Variants in NDRG3 observed in about 807,000 individuals in gnomAD.
NDRG3 encodes protein NDRG3.
A neutral mutation model predicts 57.2 loss-of-function variants in NDRG3; 23 were observed. That is an observed-to-expected ratio of 0.40 (90% CI 0.29 to 0.57). NDRG3 has a LOEUF of 0.57. Ranked by LOEUF, NDRG3 falls within the 20% of genes least tolerant of loss-of-function variation. The pLI, the probability that NDRG3 is intolerant of heterozygous loss-of-function variation, is 0.42. For missense variants in NDRG3, 384 were observed against 457.3 expected, an observed-to-expected ratio of 0.84 and a Z score of 1.46; for synonymous variants, 132 against 162.6, an observed-to-expected ratio of 0.81 and a Z score of 1.43.
At chr20:36,719,616 G>A (rs1984474019) in intron 2 of NDRG3, among the ~76,000 whole-genome samples, 1 of 151,896 alleles carries the variant, frequency 6.6e-6, no homozygotes, top group African/African-American at 2.4e-5. Context: ...GCCTTGCCTT[G>A]GGCAGATAAA....
chr20:36,720,722 A>G (rs1984539839), intron 2 of NDRG3, among the ~76,000 whole-genome samples: 3 of 151,990 alleles, frequency 2.0e-5, no homozygotes, highest in Admixed American at 2.0e-4. Flanking sequence ...CTGAAAGTCA[A>G]GACACTTGGA....
intron 1 of NDRG3, among the ~76,000 whole-genome samples, chr20:36,745,652 C>T (rs1986152163): frequency 3.3e-5 from 5 of 152,224 alleles, no homozygotes; most frequent in Admixed American, 3.3e-4. Flanking sequence ...AGCATCTGGG[C>T]TCTTGGAGCG....
At chr20:36,689,676 T>C (rs1280681284) in intron 3 of NDRG3, among the ~76,000 whole-genome samples, 1 of 151,614 alleles carries the variant, frequency 6.6e-6, no homozygotes, top group Admixed American at 6.6e-5. Flanking sequence ...GGGAGGCATC[T>C]GGCCCAGGCT....
intron 15 of NDRG3, among the ~76,000 whole-genome samples, 161 bp downstream of exon 15, chr20:36,656,199 C>T (rs57605976): frequency 0.039 from 5,847 of 149,044 alleles, 381 homozygotes; most frequent in African/African-American, 0.14. Context: ...TGTTAGCTTA[C>T]AAATACGGAC....
chr20:36,723,004 C>T (rs1329491587), intron 1 of NDRG3, among the ~76,000 whole-genome samples: 3 of 152,186 alleles, frequency 2.0e-5, no homozygotes, highest in South Asian at 2.1e-4. Context: ...AACTTGCCAG[C>T]ACCAACCTGC....
chr20:36,708,613 G>A (rs932299973), intron 2 of NDRG3, among the ~76,000 whole-genome samples: 3 of 143,312 alleles, frequency 2.1e-5, no homozygotes, highest in African/African-American at 7.8e-5. Context: ...GAGCCATTGC[G>A]TGTCAGCCTG....
chr20:36,666,789 T>A (rs1979670702), intron 9 of NDRG3, among the ~76,000 whole-genome samples: 1 of 152,158 alleles, frequency 6.6e-6, no homozygotes, highest in South Asian at 2.1e-4. Flanking sequence ...GTAAGAAAAG[T>A]TATATAAACA....
intron 2 of NDRG3, among the ~76,000 whole-genome samples, chr20:36,709,948 G>A (rs1983768997): frequency 6.6e-6 from 1 of 152,096 alleles, no homozygotes; most frequent in Non-Finnish European, 1.5e-5. Flanking sequence ...GATATGTATG[G>A]TTAGTAAGAG....
chr20:36,740,378 G>A (rs1985868432), intron 1 of NDRG3, among the ~76,000 whole-genome samples: 1 of 152,130 alleles, frequency 6.6e-6, no homozygotes, highest in East Asian at 1.9e-4. Flanking sequence ...ACGGAGTCTC[G>A]CTCTATCACC....
chr20:36,687,299 C>G (rs974905138), intron 5 of NDRG3, among the ~76,000 whole-genome samples, 193 bp downstream of exon 5: 1 of 152,156 alleles, frequency 6.6e-6, no homozygotes, highest in Admixed American at 6.5e-5. Flanking sequence ...GGAAAACACA[C>G]AGTTTCCCCC....
intron 1 of NDRG3, among the ~76,000 whole-genome samples, chr20:36,744,640 T>C (rs1986095060): frequency 6.6e-6 from 1 of 152,128 alleles, no homozygotes; most frequent in Non-Finnish European, 1.5e-5. Flanking sequence ...AAAACGACAG[T>C]TTGAGCTAGT....
At chr20:36,654,426 GC>G (rs1568618088) in intron 15 of NDRG3, among the ~76,000 whole-genome samples, 2 of 152,160 alleles carry the variant, frequency 1.3e-5, no homozygotes, top group South Asian at 4.1e-4. Flanking sequence ...GTCAAAAGGT[GC>G]TATCATCTGC....
rs1978333481 is a variant in NDRG3, at chr20:36,652,826, C to T, written c.*694G>A. ...TCAGCGATGGTTCATGGGCTTCCAG[C>T]AGAATATATTCCTCCCTTTTATTTA... On this transcript the variant is annotated 3_prime_UTR_variant, in exon 16 of 16. Transcript: ENST00000349004. The T allele has an allele frequency of 6.6e-6, 1 of 152,220 alleles. No individual in the cohort carries two copies. The highest frequency in any genetic ancestry group is 2.1e-4 in the South Asian group (1 of 4,824). 9.4% of individuals were successfully genotyped at this position (152,220 alleles called of 1,614,324 possible). A position where few individuals can be genotyped will look rare whatever the true frequency, so the allele number is the denominator to read the frequency against.
chr20:36,653,421 G>T lies in NDRG3; in HGVS notation c.*99C>A. On this transcript the variant is annotated 3_prime_UTR_variant, in exon 16 of 16. Transcript: ENST00000349004. This position sits in a 1 kb window ranked among gnomAD's most constrained non-coding sequence, Gnocchi z 4.2. ...AGAGAGGTTCAGTGGCCATGCATGA[G>T]TTAAAGATAGTAGAGGCCAGTTTAC... 9.2e-7 allele frequency: 1 copy of T among 1,084,538 alleles called. No homozygotes were observed. The highest frequency in any genetic ancestry group is 1.3e-6 in the Non-Finnish European group (1 of 751,058). 67.2% of individuals were successfully genotyped at this position (1,084,538 alleles called of 1,614,324 possible).
intron 8 of NDRG3, among the ~76,000 whole-genome samples, chr20:36,680,500 ATACAGTTTCTATGATTCC>A (rs1981179714): frequency 6.9e-6 from 1 of 144,042 alleles, no homozygotes; most frequent in Non-Finnish European, 1.5e-5. Context: ...AAAAAAAAAA[ATACAGTTTCTATGATTCC>A]AATTTAACAG....
intron 1 of NDRG3, among the ~76,000 whole-genome samples, chr20:36,733,680 G>A (rs1985461304): frequency 6.6e-6 from 1 of 151,558 alleles, no homozygotes; most frequent in Non-Finnish European, 1.5e-5. Flanking sequence ...CTGGGTGACA[G>A]AGCGAGACTC....
chr20:36,723,615 T>C (rs935583644), intron 1 of NDRG3, among the ~76,000 whole-genome samples: 2 of 151,674 alleles, frequency 1.3e-5, no homozygotes, highest in African/African-American at 4.9e-5. Context: ...AGCAATTATG[T>C]CTGATTGGTG....
intron 1 of NDRG3, among the ~76,000 whole-genome samples, chr20:36,739,135 A>T (rs1277012728): frequency 0.04 from 3,466 of 86,096 alleles, 752 homozygotes; most frequent in African/African-American, 0.15. Context: ...ACCCCATCTC[A>T]AAAAAAAAAA....
intron 10 of NDRG3, among the ~76,000 whole-genome samples, chr20:36,665,852 T>A (rs1423220142): frequency 6.6e-6 from 1 of 152,124 alleles, no homozygotes; most frequent in Non-Finnish European, 1.5e-5. Flanking sequence ...CACCTCGGCC[T>A]CCCAAACTGC....
Sources: allele counts gnomAD v4.1 joint callset (sites outside exome capture counted in the v4.1 genomes callset), GRCh38; gene constraint gnomAD v4.1.1; non-coding constraint Gnocchi (gnomAD v3.1); transcripts MANE v1.5; gene names NCBI Gene and HGNC (gene_info 2026-07-23, HGNC 2026-07-21).